USP25: variants seen among roughly 807,000 people sequenced by gnomAD.
USP25 encodes ubiquitin carboxyl-terminal hydrolase 25.
USP25 carries 85 observed loss-of-function variants against 158.5 expected under a neutral mutation model. The observed-to-expected ratio is 0.54, with a 90% confidence interval of 0.45 to 0.64. USP25 has a LOEUF of 0.64. Among genes scored for constraint, USP25 ranks in the 30% least tolerant of loss-of-function variants. The pLI, the probability that USP25 is intolerant of heterozygous loss-of-function variation, is 0.00. For synonymous variants in USP25, 464 were observed against 460.4 expected (o/e 1.01, Z -0.10); for missense variants, 1,242 against 1,327.3 (o/e 0.94, Z 1.00).
At position 15,843,271 on chromosome 21, in the gene USP25, C is replaced by A. The variant is rs572004357; in HGVS notation, c.2337+731C>A. Among the ~76,000 whole-genome samples, 2 of 152,266 alleles carry A rather than the reference C, an allele frequency of 1.3e-5. No individual in the cohort carries two copies. The highest frequency in any genetic ancestry group is 4.1e-4 in the South Asian group (2 of 4,824). ...CTTTTATTAGTGAGCATAAGCAGCT[C>A]TAATGCAGATTTTGTGGTAGTTCCT... On this transcript the variant is annotated intron_variant, in intron 18 of 25. Coordinates refer to ENST00000400183, the MANE Select transcript of USP25 (RefSeq NM_001283041.3). The surrounding 1 kb of genome is among the most constrained non-coding windows in gnomAD (Gnocchi z 4.0).
chr21:15,847,110 C>A (rs2038657750), intron 18 of USP25, among the ~76,000 whole-genome samples: 1 of 151,842 alleles, frequency 6.6e-6, no homozygotes, highest in South Asian at 2.1e-4. Context: ...ACTGGATACA[C>A]AATTGATTAC....
At chr21:15,788,681 C>G (rs144069716) in intron 4 of USP25, among the ~76,000 whole-genome samples, 4 of 152,162 alleles carry the variant, frequency 2.6e-5, no homozygotes, top group African/African-American at 9.6e-5. Flanking sequence ...GTCAGGAAAT[C>G]ATGGCATTCC....
At chr21:15,775,449 G>A (rs1349473097) in intron 3 of USP25, among the ~76,000 whole-genome samples, 1 of 152,110 alleles carries the variant, frequency 6.6e-6, no homozygotes, top group Non-Finnish European at 1.5e-5. Context: ...AGTCAGGGAA[G>A]CGACCAGTCA....
At chr21:15,831,305 T>A in intron 15 of USP25, 96 bp from the exon 16 acceptor site, 1 of 1,168,036 alleles carries the variant, frequency 8.6e-7, no homozygotes, top group Non-Finnish European at 1.2e-6. Context: ...AATGCTCTTA[T>A]GGTTTTCTCC....
Position 15,758,287 on chromosome 21 carries a change from T to C in USP25, c.46-4604T>C, listed in dbSNP as rs542732389. Among the ~76,000 whole-genome samples, 10 of 152,296 alleles carry C rather than the reference T, an allele frequency of 6.6e-5. No individual in the cohort carries two copies. In the East Asian group the frequency reaches 1.4e-3, roughly 21 times the overall value. The stretch of plus-strand genomic sequence containing the variant: ...TAAGGACATACCTGAGACTGAGTGA[T>C]ATGGTTAGCCTTTGTGTCCCCAACC... On this transcript the variant is annotated intron_variant, in intron 1 of 25. Coordinates refer to ENST00000400183, the MANE Select transcript of USP25 (RefSeq NM_001283041.3).
chr21:15,851,503 TACAC>T (rs10595077), intron 20 of USP25, among the ~76,000 whole-genome samples: 16,709 of 147,716 alleles, frequency 0.11, 1,908 homozygotes, highest in African/African-American at 0.29. Context: ...CTATCCCCCA[TACAC>T]ACACACACAC....
intron 21 of USP25, among the ~76,000 whole-genome samples, chr21:15,865,876 T>C (rs908656787): frequency 1.1e-4 from 16 of 152,138 alleles, no homozygotes; most frequent in African/African-American, 3.9e-4. Context: ...AGGCACGTTT[T>C]AGACTCTTTA....
At chr21:15,856,610 T>C (rs7279840) in intron 20 of USP25, among the ~76,000 whole-genome samples, 2,779 of 111,224 alleles carry the variant, frequency 0.025, no homozygotes, top group East Asian at 0.032. Flanking sequence ...TAGCTGGGAC[T>C]ACAGGTGCCC....
At chr21:15,849,726 ATTAT>A in intron 19 of USP25, 47 bp from the exon 20 acceptor site, 1 of 1,369,500 alleles carries the variant, frequency 7.3e-7, no homozygotes, top group Non-Finnish European at 9.9e-7. Flanking sequence ...ATGTGAATAA[ATTAT>A]TTTAGTTTAA....
At chr21:15,874,375 T>C in intron 23 of USP25, 28 bp from the exon 24 acceptor site, 2 of 1,565,642 alleles carry the variant, frequency 1.3e-6, no homozygotes, top group South Asian at 2.3e-5. Context: ...GAAATACTAA[T>C]GTTATATGTT....
Position 15,730,386 on chromosome 21 carries a change from C to T in USP25, c.-8C>T. Reference sequence around the variant, plus strand: ...ACCGCCGCCGCCGCCGCCGCCGCCGCGGGGGCCATGACCGTGGAGCAGAAC... The same window carrying T: ...ACCGCCGCCGCCGCCGCCGCCGCCGTGGGGGCCATGACCGTGGAGCAGAAC... On this transcript the variant is annotated 5_prime_UTR_variant, in exon 1 of 26. Transcript: ENST00000400183. The T allele has an allele frequency of 2.4e-6, 3 of 1,249,516 alleles. No individual in the cohort carries two copies. Among genetic ancestry groups the T allele is most frequent in the Non-Finnish European group, 3.0e-6 (3 of 994,138 alleles). The allele number at this position is 1,249,516 out of a possible 1,614,324, so 77.4% of individuals were successfully genotyped here.
chr21:15,855,238 A>T (rs1306999115), intron 20 of USP25, among the ~76,000 whole-genome samples: 1 of 151,880 alleles, frequency 6.6e-6, no homozygotes, highest in Non-Finnish European at 1.5e-5. Flanking sequence ...TATTATAAAA[A>T]TTTTTTCTTA....
chr21:15,818,638 T>C, intron 9 of USP25, 60 bp from the exon 10 acceptor site: 1 of 1,456,794 alleles, frequency 6.9e-7, no homozygotes, highest in African/African-American at 1.4e-5. Context: ...CCTTACGTAC[T>C]CTTAATTTTA....
chr21:15,764,257 G>A (rs533561866), intron 2 of USP25, among the ~76,000 whole-genome samples: 7 of 149,720 alleles, frequency 4.7e-5, no homozygotes, highest in African/African-American at 1.7e-4. Flanking sequence ...TTTTCATTAT[G>A]TATTACTGAG....
At chr21:15,747,486 T>A (rs2032652481) in intron 1 of USP25, among the ~76,000 whole-genome samples, 1 of 151,860 alleles carries the variant, frequency 6.6e-6, no homozygotes, top group Admixed American at 6.6e-5. Flanking sequence ...GTACATATAG[T>A]TTTTTTCCTA....
At position 15,739,121 on chromosome 21, in the gene USP25, G is replaced by A. The variant is rs1003613459; in HGVS notation, c.45+8683G>A. The stretch of plus-strand genomic sequence containing the variant: ...TTCTGAGGAGTTTTGTCTGCGGCTC[G>A]TCCTGCTACATCATGATTAAAAAGT... On this transcript the variant is annotated intron_variant, in intron 1 of 25. Coordinates refer to ENST00000400183, the MANE Select transcript of USP25 (RefSeq NM_001283041.3). 3.9e-5 allele frequency among the ~76,000 whole-genome samples: 6 copies of A among 152,192 alleles called. No individual in the cohort carries two copies. In the South Asian group the frequency reaches 6.2e-4, roughly 16 times the overall value.
In USP25 at chr21:15,827,128, A is replaced by C; in HGVS notation, c.1618A>C (p.Ile540Leu). 6.2e-7 allele frequency: 1 copy of C among 1,614,236 alleles called. No homozygotes were observed. Among genetic ancestry groups the C allele is most frequent in the South Asian group, 1.1e-5 (1 of 91,090 alleles). ...GCCCATGCATCCGGCACCAAGGCAC[A>C]TAACGGAGGAAGAACTTTCTGTGCT... ...DLPMHPAPRH[I>L]TEEELSVLES... is the part of the protein sequence containing the mutation. The change falls in exon 14 of 26, where the codon ATA (isoleucine) becomes CTA (leucine). Residue 540 changes from isoleucine (I) to leucine (L), a missense_variant. Coordinates refer to ENST00000400183, the MANE Select transcript of USP25 (RefSeq NM_001283041.3).
chr21:15,866,949 G>A (rs918545616), intron 22 of USP25, among the ~76,000 whole-genome samples: 1 of 151,978 alleles, frequency 6.6e-6, no homozygotes, highest in East Asian at 1.9e-4. Context: ...GTACCCTGTG[G>A]GCTGTATTTT....
chr21:15,844,205 C>T (rs1283383783), intron 18 of USP25, among the ~76,000 whole-genome samples: 1 of 152,124 alleles, frequency 6.6e-6, no homozygotes, highest in Non-Finnish European at 1.5e-5. Context: ...ATCTTACAGT[C>T]AGTTGCTTAG....
Sources: allele counts gnomAD v4.1 joint callset (sites outside exome capture counted in the v4.1 genomes callset), GRCh38; gene constraint gnomAD v4.1.1; non-coding constraint Gnocchi (gnomAD v3.1); transcripts MANE v1.5; gene names NCBI Gene and HGNC (gene_info 2026-07-23, HGNC 2026-07-21).